The following COL27A1 variants were observed in gnomAD, a reference collection of about 807,000 sequenced individuals.
COL27A1 encodes the protein collagen type XXVII alpha 1 chain.
In COL27A1, 106 loss-of-function variants were observed where a neutral mutation model predicts 251.3. The observed-to-expected ratio is 0.42, with a 90% CI of 0.36 to 0.50. The LOEUF (loss-of-function observed/expected upper bound fraction) is 0.50. Among genes scored for constraint, COL27A1 ranks in the 20% least tolerant of loss-of-function variants. The pLI is 0.00. For synonymous variants in COL27A1, 1,000 were observed against 986.3 expected (o/e 1.01, Z -0.26); for missense variants, 2,325 against 2,522.8 (o/e 0.92, Z 1.68).
chr9:114,179,224 C>T (rs912858826), intron 4 of COL27A1, among the ~76,000 whole-genome samples: 1 of 152,166 alleles, frequency 6.6e-6, no homozygotes, highest in African/African-American at 2.4e-5. Context: ...ATGCAATTAC[C>T]CAAGCCCTAG....
At chr9:114,270,131 A>G (rs1835038987) in intron 35 of COL27A1, among the ~76,000 whole-genome samples, 1 of 152,208 alleles carries the variant, frequency 6.6e-6, no homozygotes, top group Non-Finnish European at 1.5e-5. Flanking sequence ...AGTTCCATGC[A>G]GGCTTACTCC....
intron 37 of COL27A1, among the ~76,000 whole-genome samples, chr9:114,277,383 C>T (rs142401870): frequency 6.6e-6 from 1 of 152,146 alleles, no homozygotes; most frequent in African/African-American, 2.4e-5. Context: ...CATTTTCACT[C>T]TTCATCCCTC....
At position 114,195,980 on chromosome 9, in the gene COL27A1, C is replaced by T; in HGVS notation, c.2092C>T (p.Leu698Phe). 1 of 1,614,108 alleles carries T rather than the reference C, an allele frequency of 6.2e-7. No individual in the cohort carries two copies. Among genetic ancestry groups the T allele is most frequent in the South Asian group, 1.1e-5 (1 of 91,078 alleles). ...CCAGGGTGACATGGGCTTGCCTGGG[C>T]TCTCCGGGAATCCAGGACCTCCGGG... ...GAKGDMGLPGLSGNPGPPGRK... is the reference protein window; with the variant it reads ...GAKGDMGLPGFSGNPGPPGRK... The change falls in exon 7 of 61, where the codon CTC becomes TTC. Residue 698 changes from leucine (L) to phenylalanine (F), a missense_variant. By Grantham distance (22) the Leu-to-Phe change is conservative. Transcript: ENST00000356083.
chr9:114,193,212 G>C (rs1307411953), intron 5 of COL27A1, among the ~76,000 whole-genome samples: 1 of 152,166 alleles, frequency 6.6e-6, no homozygotes, highest in Non-Finnish European at 1.5e-5. Context: ...AGAGCTCTTA[G>C]AAGGTGACAC....
chr9:114,258,633 G>T lies in COL27A1; in HGVS notation c.3195+39G>T, dbSNP rs762689728. On this transcript the variant is annotated intron_variant, in intron 28 of 60. Transcript: ENST00000356083. ...AGCTCCTGGGGGCTGATGCTGGTGGGAGGGGGCACACTTGGAACAGGGCCA... is the reference window on the plus strand; with the variant it reads ...AGCTCCTGGGGGCTGATGCTGGTGGTAGGGGGCACACTTGGAACAGGGCCA... 4.4e-6 allele frequency: 7 copies of T among 1,603,426 alleles called. No homozygotes were observed. In the South Asian group the frequency reaches 7.8e-5, roughly 18 times the overall value.
At chr9:114,185,868 G>A (rs1445789975) in intron 5 of COL27A1, among the ~76,000 whole-genome samples, 2 of 152,242 alleles carry the variant, frequency 1.3e-5, no homozygotes, top group East Asian at 3.9e-4. Context: ...CCACCTTCAG[G>A]TGCTTATGGC....
Position 114,290,460 on chromosome 9 carries a change from T to C in COL27A1, c.4368+129T>C. Reference sequence around the variant, plus strand: ...GGGCAGAACCAACACATCCAGAAGTTCTCTGGGGTGGGCAACCATCTCCTC... The same window carrying C: ...GGGCAGAACCAACACATCCAGAAGTCCTCTGGGGTGGGCAACCATCTCCTC... On this transcript the variant is annotated intron_variant, in intron 47 of 60. Coordinates refer to ENST00000356083, the MANE Select transcript of COL27A1 (RefSeq NM_032888.4). This position sits in a 1 kb window ranked among gnomAD's most constrained non-coding sequence, Gnocchi z 4.6. 1.2e-6 allele frequency: 1 copy of C among 815,200 alleles called. No homozygotes were observed. The highest frequency in any genetic ancestry group is 2.0e-6 in the Non-Finnish European group (1 of 495,742). The allele number at this position is 815,200 out of a possible 1,614,324, so 50.5% of individuals were successfully genotyped here. A position where few individuals can be genotyped will look rare whatever the true frequency, so the allele number is the denominator to read the frequency against.
rs759321031 is a variant in COL27A1 at position 114,168,999 on chromosome 9, C to G, written c.1444C>G (p.Pro482Ala). Residue 482 changes from proline to alanine, a missense_variant, in exon 3 of 61, where the codon CCC becomes GCC. Pro to Ala is a conservative substitution (Grantham distance 27). Coordinates refer to ENST00000356083, the MANE Select transcript of COL27A1 (RefSeq NM_032888.4). ...ASARTSTHKP[P>A]PFTALSSSPA... ...TGCCCGCACCAGCACCCACAAACCT[C>G]CCCCATTTACTGCTTTATCCTCATC... The G allele has an allele frequency of 5.6e-6, 9 of 1,614,160 alleles. No individual in the cohort carries two copies. In the Admixed American group the frequency reaches 1.3e-4, roughly 24 times the overall value.
intron 4 of COL27A1, among the ~76,000 whole-genome samples, chr9:114,179,993 C>T (rs913183883): frequency 2.0e-5 from 3 of 152,042 alleles, no homozygotes; most frequent in African/African-American, 4.8e-5. Flanking sequence ...CACACGCCCC[C>T]GGGCCCAGCT....
intron 15 of COL27A1, 139 bp from the exon 16 acceptor site, chr9:114,231,683 T>G: frequency 1.2e-6 from 1 of 822,574 alleles, no homozygotes; most frequent in Non-Finnish European, 2.1e-6. Flanking sequence ...ATTGGAGTCA[T>G]TTGCCCCCTT....
intron 54 of COL27A1, 64 bp downstream of exon 54, chr9:114,301,526 C>G (rs1260029539): frequency 6.3e-7 from 1 of 1,574,976 alleles, no homozygotes; most frequent in Non-Finnish European, 8.6e-7. Context: ...CATTCTCCTC[C>G]CGGTGGTACA....
At position 114,300,681 on chromosome 9, in the gene COL27A1, C is replaced by T; in HGVS notation, c.4695C>T (p.Gly1565=). ...KGIQGPRGPP[G]LMGKEGIVGP... ...TCCAGGGCCCTCGGGGGCCACCTGG[C>T]TTGATGGTGAGTTCCCTCCCTGCTG... is the stretch of plus-strand genomic sequence containing the variant. Residue 1565 remains glycine (G), a synonymous_variant, in exon 51 of 61, where the codon GGC becomes GGT. Transcript: ENST00000356083. 6.6e-7 allele frequency: 1 copy of T among 1,510,388 alleles called. No individual in the cohort carries two copies. Among genetic ancestry groups the T allele is most frequent in the Non-Finnish European group, 8.8e-7 (1 of 1,132,194 alleles). 93.6% of individuals were successfully genotyped at this position (1,510,388 alleles called of 1,614,324 possible).
intron 7 of COL27A1, 132 bp downstream of exon 7, chr9:114,196,144 G>A: frequency 1.3e-6 from 1 of 770,508 alleles, no homozygotes. Context: ...AGGGTACATG[G>A]GTGAGAGGTG....
At chr9:114,174,060 C>G (rs910883660) in intron 3 of COL27A1, among the ~76,000 whole-genome samples, 2 of 152,008 alleles carry the variant, frequency 1.3e-5, no homozygotes, top group African/African-American at 4.8e-5. Flanking sequence ...TCACTGCAAC[C>G]TCCGCCTCCT....
chr9:114,309,257 T>A lies in COL27A1; in HGVS notation c.5218-3T>A. The A allele has an allele frequency of 1.2e-6, 2 of 1,614,034 alleles. No individual in the cohort carries two copies. Among genetic ancestry groups the A allele is most frequent in the Non-Finnish European group, 1.7e-6 (2 of 1,179,928 alleles). On this transcript the variant is annotated splice_region_variant and splice_polypyrimidine_tract_variant and intron_variant, in intron 59 of 60. Coordinates refer to ENST00000356083, the MANE Select transcript of COL27A1 (RefSeq NM_032888.4). Reference sequence around the variant, plus strand: ...GCCGCTCACTGCCGTTGCTTCTCTATAGGTCGAGTTTGCCATCAGCCGGGT... The same window carrying A: ...GCCGCTCACTGCCGTTGCTTCTCTAAAGGTCGAGTTTGCCATCAGCCGGGT...
intron 12 of COL27A1, among the ~76,000 whole-genome samples, chr9:114,211,523 C>T (rs985334665): frequency 2.0e-5 from 3 of 152,240 alleles, no homozygotes; most frequent in African/African-American, 4.8e-5. Context: ...AGGGGCTCAG[C>T]GGTGACCCCC....
chr9:114,286,972 G>T (rs1355946640), intron 41 of COL27A1, among the ~76,000 whole-genome samples: 3 of 152,172 alleles, frequency 2.0e-5, no homozygotes, highest in African/African-American at 7.2e-5. Flanking sequence ...GAACACGCTA[G>T]GTAGACACAG....
chr9:114,292,042 C>T, intron 48 of COL27A1, 61 bp from the exon 49 acceptor site: 1 of 1,435,538 alleles, frequency 7.0e-7, no homozygotes, highest in East Asian at 2.5e-5. Flanking sequence ...CCCCCTCCGC[C>T]TCCTCCTGCC....
intron 29 of COL27A1, 81 bp downstream of exon 29, chr9:114,264,489 A>G: frequency 8.7e-7 from 1 of 1,155,370 alleles, no homozygotes; most frequent in Non-Finnish European, 1.2e-6. Flanking sequence ...AGCTCCTCAG[A>G]ACAATGCCCC....
Sources: allele counts gnomAD v4.1 joint callset (sites outside exome capture counted in the v4.1 genomes callset), GRCh38; gene constraint gnomAD v4.1.1; non-coding constraint Gnocchi (gnomAD v3.1); transcripts MANE v1.5; gene names NCBI Gene and HGNC (gene_info 2026-07-23, HGNC 2026-07-21).